Variants in PGLYRP3 observed in about 807,000 individuals in gnomAD.
The protein encoded by PGLYRP3 is peptidoglycan recognition protein I alpha.
PGLYRP3 carries 39 observed loss-of-function variants against 36.0 expected under a neutral mutation model. That is an observed-to-expected ratio of 1.08 (90% CI 0.84 to 1.41). PGLYRP3 has a LOEUF of 1.41. Ranked by LOEUF, PGLYRP3 falls within the 40% of genes most tolerant of loss-of-function variation. The probability of loss-of-function intolerance (pLI) is 0.00; values close to 1 mark genes in which losing one functional copy is unlikely to be tolerated. For synonymous variants in PGLYRP3, 204 were observed against 172.8 expected, an observed-to-expected ratio of 1.18 and a Z score of -1.42; for missense variants, 407 against 427.9, an observed-to-expected ratio of 0.95 and a Z score of 0.43.
intron 6 of PGLYRP3, among the ~76,000 whole-genome samples, chr1:153,300,075 A>G (rs1659546787): frequency 6.6e-6 from 1 of 152,156 alleles, no homozygotes; most frequent in Non-Finnish European, 1.5e-5. Context: ...CTGCCTTTCA[A>G]ATTGAGTCAG....
rs1458851634 is a variant in PGLYRP3 at position 153,312,757 on chromosome 1, C to G, written c.-156G>C. ...GCCTCCAGGACCTGCCCTTCTTCTC[C>G]AGCTGGTGCCTCCTCAGGCCTTCAC... On this transcript the variant is annotated 5_prime_UTR_variant, in exon 1 of 8. Transcript: ENST00000683862. 1.6e-4 allele frequency among the ~76,000 whole-genome samples: 24 copies of G among 152,192 alleles called. No individual in the cohort carries two copies. The highest frequency in any genetic ancestry group is 1.6e-3 in the Admixed American group (24 of 15,280).
At position 153,299,216 on chromosome 1, in the gene PGLYRP3, C is replaced by T. The variant is rs776593690; in HGVS notation, c.744G>A (p.Gln248=). 1.2e-6 allele frequency: 2 copies of T among 1,614,008 alleles called. No individual in the cohort carries two copies. Among genetic ancestry groups the T allele is most frequent in the Non-Finnish European group, 1.7e-6 (2 of 1,179,942 alleles). ...CAACCCCTTCATACACGCCACCATC[C>T]TGGCCCACCAGGAAGCTTAGGTCAG... The part of the protein sequence containing the change: ...CDIGYHFLVG[Q]DGGVYEGVGW... Residue 248 remains glutamine, a synonymous_variant, in exon 7 of 8, where the codon CAG becomes CAA. Transcript: ENST00000683862.
intron 6 of PGLYRP3, 114 bp downstream of exon 6, chr1:153,302,295 A>C (rs532468705): frequency 1.7e-6 from 2 of 1,198,092 alleles, no homozygotes; most frequent in Non-Finnish European, 2.4e-6. Flanking sequence ...ATGATGCCTT[A>C]TGGAAACCAC....
chr1:153,310,416 C>T (rs821424), intron 2 of PGLYRP3, among the ~76,000 whole-genome samples, 195 bp downstream of exon 2: 65,224 of 151,996 alleles, frequency 0.43, 14,304 homozygotes, highest in East Asian at 0.55. Context: ...AATTGAATAA[C>T]TTGTTGAAGA....
chr1:153,312,462 A>G (rs921295337), intron 1 of PGLYRP3, among the ~76,000 whole-genome samples, 181 bp downstream of exon 1: 1 of 152,256 alleles, frequency 6.6e-6, no homozygotes, highest in Non-Finnish European at 1.5e-5. Flanking sequence ...AAACTCATTT[A>G]GAAGAATTTA....
In PGLYRP3 at chr1:153,302,541, A is replaced by C. The variant is rs1571101914; in HGVS notation, c.596T>G (p.Leu199Arg). Residue 199 changes from leucine to arginine, a missense_variant, in exon 6 of 8, where the codon CTC becomes CGC. Coordinates refer to ENST00000683862, the MANE Select transcript of PGLYRP3 (RefSeq NM_052891.3). ...GATGATGATGACATATTTGGCTGGG[A>C]GGTTCATTTTAGGGCAGTGTGTCTC... is the stretch of plus-strand genomic sequence containing the variant. Reference protein sequence around the residue: ...ARETHCPKMNLPAKYVIIIHT... With the variant: ...ARETHCPKMNRPAKYVIIIHT... 1.2e-6 allele frequency: 2 copies of C among 1,614,178 alleles called. No individual in the cohort carries two copies. Among genetic ancestry groups the C allele is most frequent in the Non-Finnish European group, 1.7e-6 (2 of 1,180,034 alleles).
At position 153,305,789 on chromosome 1, in the gene PGLYRP3, G is replaced by A. The variant is rs114975091; in HGVS notation, c.258-724C>T. 8.4e-3 allele frequency among the ~76,000 whole-genome samples: 1,277 copies of A among 152,284 alleles called. 22 individuals are homozygous for A. The highest frequency in any genetic ancestry group is 0.029 in the African/African-American group (1,215 of 41,548). Reference sequence around the variant, plus strand: ...CGACTTTCCACCCTACACCGATGTCGACATGAGGAATGGGTGTGGAGCCTG... The same window carrying A: ...CGACTTTCCACCCTACACCGATGTCAACATGAGGAATGGGTGTGGAGCCTG... On this transcript the variant is annotated intron_variant, in intron 3 of 7. Transcript: ENST00000683862.
chr1:153,298,160 T>G (rs1659489690), intron 7 of PGLYRP3, 26 bp from the exon 8 acceptor site: 1 of 1,607,084 alleles, frequency 6.2e-7, no homozygotes, highest in Non-Finnish European at 8.5e-7. Flanking sequence ...TCCCCATCAG[T>G]CATTAGGGGC....
chr1:153,302,567 T>C lies in PGLYRP3; in HGVS notation c.570A>G (p.Arg190=), dbSNP rs1659625144. ...GGTTCATTTTAGGGCAGTGTGTCTC[T>C]CTGGCTTCCCAAGCAGATCGTTTGA... is the stretch of plus-strand genomic sequence containing the variant. ...NIIKRSAWEA[R]ETHCPKMNLP... The change falls in exon 6 of 8, where the codon AGA becomes AGG. Residue 190 remains arginine (R), a synonymous_variant. Coordinates refer to ENST00000683862, the MANE Select transcript of PGLYRP3 (RefSeq NM_052891.3). 1 of 1,614,212 alleles carries C rather than the reference T, an allele frequency of 6.2e-7. No homozygotes were observed. Among genetic ancestry groups the C allele is most frequent in the Non-Finnish European group, 8.5e-7 (1 of 1,180,018 alleles).
rs72480209 is a variant in PGLYRP3 at position 153,308,147 on chromosome 1, A to G, written c.56-880T>C. 3.0e-3 allele frequency among the ~76,000 whole-genome samples: 451 copies of G among 152,104 alleles called. 19 individuals are homozygous for G. In the East Asian group the frequency reaches 0.077, roughly 26 times the overall value. Reference sequence around the variant, plus strand: ...GTAACTGGAATTACAGGTGCATGCCACTATGCCAAACTAATTTTTTGTATT... The same window carrying G: ...GTAACTGGAATTACAGGTGCATGCCGCTATGCCAAACTAATTTTTTGTATT... On this transcript the variant is annotated intron_variant, in intron 2 of 7. Coordinates refer to ENST00000683862, the MANE Select transcript of PGLYRP3 (RefSeq NM_052891.3).
Position 153,310,602 on chromosome 1 carries a change from A to T in PGLYRP3, c.55+9T>A, listed in dbSNP as rs41264634. The stretch of plus-strand genomic sequence containing the variant: ...AAAAGCACTTCTGATGCAAGTAAAT[A>T]AAACTTACCCCAAGCCTGGAGACCC... On this transcript the variant is annotated intron_variant, in intron 2 of 7. Coordinates refer to ENST00000683862, the MANE Select transcript of PGLYRP3 (RefSeq NM_052891.3). 2 of 1,613,810 alleles carry T rather than the reference A, an allele frequency of 1.2e-6. No individual in the cohort carries two copies. The highest frequency in any genetic ancestry group is 1.3e-5 in the African/African-American group (1 of 74,932).
At position 153,302,493 on chromosome 1, in the gene PGLYRP3, G is replaced by T. The variant is rs751838726; in HGVS notation, c.644C>A (p.Thr215Asn). 1 of 1,614,240 alleles carries T rather than the reference G, an allele frequency of 6.2e-7. No individual in the cohort carries two copies. The highest frequency in any genetic ancestry group is 8.5e-7 in the Non-Finnish European group (1 of 1,180,034). Reference protein sequence around the residue: ...IIIHTAGTSCTVSTDCQTVVR... With the variant: ...IIIHTAGTSCNVSTDCQTVVR... ...GACAGTCTGGCAGTCTGTGGATACA[G>T]TGCAGCTTGTGCCAGCGGTGTGGAT... is the stretch of plus-strand genomic sequence containing the variant. Residue 215 changes from threonine (T) to asparagine (N), a missense_variant, in exon 6 of 8, where the codon ACT becomes AAT. By Grantham distance (65) the Thr-to-Asn change is moderately conservative. Coordinates refer to ENST00000683862, the MANE Select transcript of PGLYRP3 (RefSeq NM_052891.3).
chr1:153,299,334 C>T, intron 6 of PGLYRP3, 103 bp from the exon 7 acceptor site: 1 of 867,796 alleles, frequency 1.2e-6, no homozygotes, highest in Non-Finnish European at 1.8e-6. Context: ...TCCATTCATC[C>T]AATATTGACT....
rs1355907117 is a variant in PGLYRP3, at chr1:153,297,856, C to T, written c.*100G>A. 4.5e-6 allele frequency: 6 copies of T among 1,329,924 alleles called. No individual in the cohort carries two copies. Among genetic ancestry groups the T allele is most frequent in the Middle Eastern group, 2.6e-4 (1 of 3,908 alleles). The allele number at this position is 1,329,924 out of a possible 1,614,324, so 82.4% of individuals were successfully genotyped here. ...TCAAACCTGAGAAAGGATGGGCTGG[C>T]AGGGGAGGGGGACACAAGGTGCTGA... is the stretch of plus-strand genomic sequence containing the variant. On this transcript the variant is annotated 3_prime_UTR_variant, in exon 8 of 8. Coordinates refer to ENST00000683862, the MANE Select transcript of PGLYRP3 (RefSeq NM_052891.3).
chr1:153,297,954 C>T lies in PGLYRP3; in HGVS notation c.*2G>A, dbSNP rs758678036. On this transcript the variant is annotated 3_prime_UTR_variant, in exon 8 of 8. Coordinates refer to ENST00000683862, the MANE Select transcript of PGLYRP3 (RefSeq NM_052891.3). ...GCAGTCTCAAAGGGAGTGGGGCCTC[C>T]TTCAGTGCTTGAAATGAGGCCAGGT... 2.5e-6 allele frequency: 4 copies of T among 1,613,450 alleles called. No homozygotes were observed. Among genetic ancestry groups the T allele is most frequent in the East Asian group, 2.2e-5 (1 of 44,858 alleles).
intron 2 of PGLYRP3, among the ~76,000 whole-genome samples, chr1:153,310,230 A>G (rs1659861447): frequency 6.6e-6 from 1 of 152,222 alleles, no homozygotes; most frequent in South Asian, 2.1e-4. Context: ...TTTAACTATG[A>G]CTGGTATAAT....
Position 153,310,724 on chromosome 1 carries a change from A to C in PGLYRP3, c.-41-18T>G, listed in dbSNP as rs1659875110. ...CGGCAGCCCTGGAAGAGAGGCTAAC[A>C]GTTAACACAACCATGCTAACTCTGC... On this transcript the variant is annotated intron_variant, in intron 1 of 7. Coordinates refer to ENST00000683862, the MANE Select transcript of PGLYRP3 (RefSeq NM_052891.3). 25 of 1,467,564 alleles carry C rather than the reference A, an allele frequency of 1.7e-5. No individual in the cohort carries two copies. Among genetic ancestry groups the C allele is most frequent in the Non-Finnish European group, 2.3e-5 (24 of 1,049,866 alleles). 90.9% of individuals were successfully genotyped at this position (1,467,564 alleles called of 1,614,324 possible). A position where few individuals can be genotyped will look rare whatever the true frequency, so the allele number is the denominator to read the frequency against.
chr1:153,298,446 A>T (rs1046947753), intron 7 of PGLYRP3, among the ~76,000 whole-genome samples: 2 of 152,088 alleles, frequency 1.3e-5, no homozygotes, highest in Non-Finnish European at 2.9e-5. Flanking sequence ...CGAGATTAAG[A>T]GATCGAGATC....
chr1:153,299,995 G>C (rs1403876876), intron 6 of PGLYRP3, among the ~76,000 whole-genome samples: 2 of 152,222 alleles, frequency 1.3e-5, no homozygotes, highest in East Asian at 1.9e-4. Flanking sequence ...CATTCTTAAA[G>C]TAGCACCCAG....
Sources: gnomAD v4.1 joint callset for allele counts (sites outside exome capture counted in the v4.1 genomes callset) on GRCh38, gnomAD v4.1.1 for gene constraint, MANE v1.5 for transcripts, NCBI Gene and HGNC (gene_info 2026-07-23, HGNC 2026-07-21) for gene names.